PCCB: variants seen among roughly 807,000 people sequenced by gnomAD.
PCCB encodes the protein propionyl-CoA carboxylase subunit beta, also known as propionyl-CoA carboxylase beta chain, mitochondrial.
Under a neutral mutation model 60.7 loss-of-function variants are expected in PCCB, and 43 were observed. That is an observed-to-expected ratio of 0.71 (90% confidence interval 0.55 to 0.91). The LOEUF (loss-of-function observed/expected upper bound fraction) is 0.91. PCCB is among the 40% of genes least tolerant of loss of function. The pLI is 0.00. For synonymous variants in PCCB, 276 were observed against 255.9 expected (o/e 1.08, Z -0.75); for missense variants, 766 against 702.8 (o/e 1.09, Z -1.02).
At chr3:136,316,849 TA>T in intron 9 of PCCB, 91 bp from the exon 10 acceptor site, 1 of 1,463,008 alleles carries the variant, frequency 6.8e-7, no homozygotes, top group Non-Finnish European at 9.6e-7. Context: ...TCTACCTCTG[TA>T]ATTCTGTAAT....
chr3:136,324,661 T>C (rs930229068), intron 10 of PCCB, among the ~76,000 whole-genome samples: 4 of 152,092 alleles, frequency 2.6e-5, no homozygotes, highest in African/African-American at 7.2e-5. Flanking sequence ...CATCTGCAGG[T>C]TGTTCCTCTA....
intron 7 of PCCB, among the ~76,000 whole-genome samples, chr3:136,295,504 C>T (rs1283752821): frequency 6.6e-6 from 1 of 152,230 alleles, no homozygotes; most frequent in East Asian, 1.9e-4. Flanking sequence ...AGCATCAACT[C>T]CAGCACGGCC....
chr3:136,292,005 G>A (rs1438362968), intron 6 of PCCB, among the ~76,000 whole-genome samples: 2 of 152,166 alleles, frequency 1.3e-5, no homozygotes, highest in Non-Finnish European at 2.9e-5. Flanking sequence ...TGGCTCTGGA[G>A]GAGATTTGTG....
chr3:136,323,807 C>CA (rs752634366), intron 10 of PCCB, among the ~76,000 whole-genome samples: 12,688 of 91,056 alleles, frequency 0.14, 657 homozygotes, highest in South Asian at 0.19. Flanking sequence ...CAAAACATCT[C>CA]AAAAAAAAAA....
intron 5 of PCCB, among the ~76,000 whole-genome samples, chr3:136,269,153 T>A (rs1942118915): frequency 1.3e-5 from 2 of 152,070 alleles, no homozygotes; most frequent in African/African-American, 4.8e-5. Flanking sequence ...TTGTGGTGCA[T>A]GCCTGTAATC....
chr3:136,256,405 A>G, intron 2 of PCCB, 150 bp from the exon 3 acceptor site: 2 of 687,894 alleles, frequency 2.9e-6, no homozygotes, highest in Non-Finnish European at 5.3e-6. Flanking sequence ...AGAGCTGGGA[A>G]AGTGGGGTGG....
At chr3:136,284,803 A>T (rs1049211661) in intron 6 of PCCB, among the ~76,000 whole-genome samples, 5 of 152,164 alleles carry the variant, frequency 3.3e-5, no homozygotes, top group Admixed American at 6.5e-5. Context: ...CAAATTTAAG[A>T]TGGGCCATAC....
chr3:136,316,916 C>G (rs753791290), intron 9 of PCCB, 25 bp from the exon 10 acceptor site: 7 of 1,613,360 alleles, frequency 4.3e-6, no homozygotes, highest in Middle Eastern at 1.6e-4. Context: ...CCATTTTGAG[C>G]TCAGAAGTAA....
At chr3:136,281,441 C>CT (rs1487270608) in intron 5 of PCCB, among the ~76,000 whole-genome samples, 9 of 151,720 alleles carry the variant, frequency 5.9e-5, no homozygotes, top group Admixed American at 5.3e-4. Flanking sequence ...CAACTCCAGG[C>CT]TTTCTGCTTG....
chr3:136,287,032 G>GAAA (rs767656015), intron 6 of PCCB, among the ~76,000 whole-genome samples: 1 of 132,860 alleles, frequency 7.5e-6, no homozygotes, highest in East Asian at 2.1e-4. Flanking sequence ...CTCTGTCTCG[G>GAAA]AAAAAAAAAA....
intron 5 of PCCB, among the ~76,000 whole-genome samples, chr3:136,269,367 A>G (rs574311454): frequency 1.2e-3 from 178 of 152,268 alleles, no homozygotes; most frequent in Non-Finnish European, 1.8e-3. Flanking sequence ...ATTGATTTTC[A>G]TATGTTGATC....
chr3:136,319,801 A>G (rs1357284580), intron 10 of PCCB, among the ~76,000 whole-genome samples: 1 of 152,158 alleles, frequency 6.6e-6, no homozygotes, highest in Non-Finnish European at 1.5e-5. Flanking sequence ...TTGTGAAGGT[A>G]TGTTCCTGTT....
rs1934381116 is a variant in PCCB, at chr3:136,304,239, T to G, written c.966+3128T>G. 1.7e-5 allele frequency among the ~76,000 whole-genome samples: 2 copies of G among 116,106 alleles called. 1 individual carries two copies. Among genetic ancestry groups the G allele is most frequent in the Non-Finnish European group, 3.8e-5 (2 of 52,082 alleles). 76.2% of individuals were successfully genotyped at this position (116,106 alleles called of 152,430 possible). A position where few individuals can be genotyped will look rare whatever the true frequency, so the allele number is the denominator to read the frequency against. On this transcript the variant is annotated intron_variant, in intron 9 of 14. Transcript: ENST00000251654. The stretch of plus-strand genomic sequence containing the variant: ...GTGTGACTTTGACTCACTGCAGGCT[T>G]GACCTCCTGTGCTCAAGTGATCTTC...
rs552166002 is a variant in PCCB at position 136,264,853 on chromosome 3, C to T, written c.543+2788C>T. Among the ~76,000 whole-genome samples the T allele has an allele frequency of 3.2e-3, 399 of 123,048 alleles. 3 individuals carry two copies. The highest frequency in any genetic ancestry group is 0.012 in the African/African-American group (381 of 32,566). The allele number at this position is 123,048 out of a possible 152,430, so 80.7% of individuals were successfully genotyped here. A position where few individuals can be genotyped will look rare whatever the true frequency, so the allele number is the denominator to read the frequency against. ...TTGCGCCACCGCGCTCTAGCCTGGGCGACAGAGCAAGACTCCGTCTCAAAA... is the reference window on the plus strand; with the variant it reads ...TTGCGCCACCGCGCTCTAGCCTGGGTGACAGAGCAAGACTCCGTCTCAAAA... On this transcript the variant is annotated intron_variant, in intron 5 of 14. Coordinates refer to ENST00000251654, the MANE Select transcript of PCCB (RefSeq NM_000532.5).
chr3:136,253,664 ATTTTT>A (rs35923895), intron 1 of PCCB, among the ~76,000 whole-genome samples: 3 of 123,456 alleles, frequency 2.4e-5, no homozygotes, highest in South Asian at 5.0e-4. Context: ...GGATGACAGA[ATTTTT>A]TTTTTTTTTT....
chr3:136,324,407 G>T (rs779789458), intron 10 of PCCB, among the ~76,000 whole-genome samples: 2 of 152,164 alleles, frequency 1.3e-5, no homozygotes, highest in African/African-American at 4.8e-5. Context: ...TCAGCTCAAG[G>T]TTAAAGTTTA....
At chr3:136,254,467 G>A (rs1178280631) in intron 1 of PCCB, among the ~76,000 whole-genome samples, 2 of 142,100 alleles carry the variant, frequency 1.4e-5, no homozygotes, top group Non-Finnish European at 3.0e-5. Flanking sequence ...TGATCCGCCT[G>A]CCTTGGCCTC....
At chr3:136,290,671 G>GTTTTTTTGTTT (rs1553778408) in intron 6 of PCCB, among the ~76,000 whole-genome samples, 10 of 60,050 alleles carry the variant, frequency 1.7e-4, no homozygotes, top group Non-Finnish European at 2.7e-4. Context: ...TCTCTGTGTA[G>GTTTTTTTGTTT]TTTTTTTTTT....
intron 8 of PCCB, among the ~76,000 whole-genome samples, chr3:136,298,620 C>T (rs1200915698): frequency 6.6e-6 from 1 of 152,324 alleles, no homozygotes; most frequent in African/African-American, 2.4e-5. Flanking sequence ...GAGGCTGGGA[C>T]AGTCCTGGGG....
Sources: allele counts gnomAD v4.1 joint callset (sites outside exome capture counted in the v4.1 genomes callset), GRCh38; gene constraint gnomAD v4.1.1; transcripts MANE v1.5; gene names NCBI Gene and HGNC (gene_info 2026-07-23, HGNC 2026-07-21).